CNTNAP5: variants seen among roughly 807,000 people sequenced by gnomAD.
CNTNAP5 encodes the protein contactin associated protein family member 5, also known as contactin-associated protein-like 5.
Under a neutral mutation model 150.2 loss-of-function variants are expected in CNTNAP5, and 72 were observed. That is an observed-to-expected ratio of 0.48 (90% CI 0.40 to 0.58). The LOEUF (loss-of-function observed/expected upper bound fraction) is 0.58. CNTNAP5 is among the 20% of genes least tolerant of loss of function. CNTNAP5 has a pLI of 0.00. For synonymous variants in CNTNAP5, 672 were observed against 619.8 expected (o/e 1.08, Z -1.25); for missense variants, 1,636 against 1,626.2 (o/e 1.01, Z -0.10).
chr2:124,403,186 C>T (rs1042910591), intron 3 of CNTNAP5, among the ~76,000 whole-genome samples: 2 of 152,202 alleles, frequency 1.3e-5, no homozygotes, highest in African/African-American at 2.4e-5. Context: ...TTGACACATT[C>T]CTTATATGTA....
rs147754984 is a variant in CNTNAP5 at position 124,533,663 on chromosome 2, G to A, written c.1649+6207G>A. ...CAAAGAGGTGTTGAAATCAGCCCAA[G>A]GGGTGCTGCAGGAGGCCACTGAGTT... On this transcript the variant is annotated intron_variant, in intron 10 of 23. Transcript: ENST00000682447. Among the ~76,000 whole-genome samples the A allele has an allele frequency of 1.5e-3, 229 of 152,286 alleles. 5 individuals carry two copies. The East Asian group carries it at 0.037, about 24-fold the overall frequency.
At chr2:124,729,336 A>C (rs2105125236) in intron 13 of CNTNAP5, among the ~76,000 whole-genome samples, 1 of 152,238 alleles carries the variant, frequency 6.6e-6, no homozygotes, top group South Asian at 2.1e-4. Context: ...GCAAAAAAGT[A>C]GTTATTGTTC....
At chr2:124,835,835 G>T (rs1682818011) in intron 19 of CNTNAP5, among the ~76,000 whole-genome samples, 1 of 152,086 alleles carries the variant, frequency 6.6e-6, no homozygotes, top group Non-Finnish European at 1.5e-5. Flanking sequence ...CACCTCACTT[G>T]CTCTCTTCTG....
intron 19 of CNTNAP5, among the ~76,000 whole-genome samples, chr2:124,817,034 G>C (rs888080981): frequency 6.6e-6 from 1 of 152,086 alleles, no homozygotes; most frequent in Non-Finnish European, 1.5e-5. Flanking sequence ...CACATAAGTA[G>C]TCCTTATTAT....
At chr2:124,637,855 T>C (rs1678004136) in intron 12 of CNTNAP5, among the ~76,000 whole-genome samples, 1 of 152,142 alleles carries the variant, frequency 6.6e-6, no homozygotes, top group Non-Finnish European at 1.5e-5. Flanking sequence ...TGTCTATTAA[T>C]ATTGGAGCAT....
chr2:124,556,793 G>A lies in CNTNAP5; in HGVS notation c.1650-6424G>A, dbSNP rs189280769. ...CCTAGATACTGGTAAGAAGGGTATT[G>A]CCATCAACTGTGATAGCGAAAAACA... On this transcript the variant is annotated intron_variant, in intron 10 of 23. Coordinates refer to ENST00000682447, the MANE Select transcript of CNTNAP5 (RefSeq NM_001367498.1). Among the ~76,000 whole-genome samples, 26 of 152,178 alleles carry A rather than the reference G, an allele frequency of 1.7e-4. No individual in the cohort carries two copies. The East Asian group carries it at 4.6e-3, about 27-fold the overall frequency.
intron 13 of CNTNAP5, among the ~76,000 whole-genome samples, chr2:124,715,934 G>A (rs36071009): frequency 0.16 from 24,702 of 151,946 alleles, 2,276 homozygotes; most frequent in East Asian, 0.24. Context: ...TCTTCTCAAG[G>A]TGACCCTCCC....
intron 4 of CNTNAP5, among the ~76,000 whole-genome samples, chr2:124,426,668 C>A (rs1162554813): frequency 6.6e-6 from 1 of 152,188 alleles, no homozygotes; most frequent in East Asian, 1.9e-4. Flanking sequence ...GCCCAGCTGG[C>A]CCACTTGGGG....
chr2:124,774,795 T>G (rs1681283597), intron 17 of CNTNAP5, among the ~76,000 whole-genome samples: 2 of 152,230 alleles, frequency 1.3e-5, no homozygotes, highest in Non-Finnish European at 2.9e-5. Flanking sequence ...TTTTTTACCC[T>G]TTCATGCAAA....
chr2:124,715,770 A>T (rs1323567952), intron 13 of CNTNAP5, among the ~76,000 whole-genome samples: 4 of 152,160 alleles, frequency 2.6e-5, no homozygotes, highest in African/African-American at 9.7e-5. Context: ...TCTCCCGAAA[A>T]TGCCGTTGCT....
At chr2:124,196,912 G>T (rs1685600730) in intron 1 of CNTNAP5, among the ~76,000 whole-genome samples, 2 of 152,164 alleles carry the variant, frequency 1.3e-5, no homozygotes, top group Admixed American at 6.5e-5. Flanking sequence ...TGCAAGGCAT[G>T]CAGTGAGCAC....
At chr2:124,911,147 A>G (rs1678645343) in intron 22 of CNTNAP5, among the ~76,000 whole-genome samples, 3 of 151,824 alleles carry the variant, frequency 2.0e-5, no homozygotes, top group African/African-American at 7.3e-5. Flanking sequence ...AGGAATAGGA[A>G]CTGTCCAGCT....
intron 13 of CNTNAP5, among the ~76,000 whole-genome samples, chr2:124,744,450 C>T (rs1335603848): frequency 6.6e-6 from 1 of 152,126 alleles, no homozygotes; most frequent in Non-Finnish European, 1.5e-5. Context: ...TACCTCTTAT[C>T]CCTTTCTAAA....
intron 3 of CNTNAP5, among the ~76,000 whole-genome samples, chr2:124,270,085 G>T (rs1204573209): frequency 6.6e-6 from 1 of 152,148 alleles, no homozygotes; most frequent in East Asian, 1.9e-4. Flanking sequence ...GGAGGCCGAG[G>T]CGGGTGGATC....
At chr2:124,870,827 G>C (rs1677732147) in intron 21 of CNTNAP5, among the ~76,000 whole-genome samples, 1 of 152,074 alleles carries the variant, frequency 6.6e-6, no homozygotes, top group South Asian at 2.1e-4. Flanking sequence ...AAAAATGGCT[G>C]TGGAAAAAGC....
At position 124,405,540 on chromosome 2, in the gene CNTNAP5, A is replaced by AT. The variant is rs1264018388; in HGVS notation, c.382-11895dup. Among the ~76,000 whole-genome samples the AT allele has an allele frequency of 6.6e-5, 10 of 152,146 alleles. No homozygotes were observed. The East Asian group carries it at 1.4e-3, about 21-fold the overall frequency. The stretch of plus-strand genomic sequence containing the variant: ...TATAATCTAGTCTCAACTTCTGATA[A>AT]TTTTTTTTACTTACGACCTCGGATC... On this transcript the variant is annotated intron_variant, in intron 3 of 23. Transcript: ENST00000682447.
chr2:124,590,092 C>A (rs1020297606), intron 11 of CNTNAP5, among the ~76,000 whole-genome samples: 1 of 152,090 alleles, frequency 6.6e-6, no homozygotes, highest in Non-Finnish European at 1.5e-5. Flanking sequence ...GCCATTCCAC[C>A]TTCTACCAAC....
chr2:124,364,726 C>T (rs578142803), intron 3 of CNTNAP5, among the ~76,000 whole-genome samples: 6 of 152,260 alleles, frequency 3.9e-5, no homozygotes, highest in African/African-American at 1.4e-4. Context: ...GAATTCCTTA[C>T]AATACATTGG....
intron 3 of CNTNAP5, among the ~76,000 whole-genome samples, chr2:124,351,462 A>T (rs1219867721): frequency 6.6e-6 from 1 of 152,184 alleles, no homozygotes; most frequent in African/African-American, 2.4e-5. Flanking sequence ...TAGAACTGTC[A>T]TGGGTTCATC....
Sources: allele counts gnomAD v4.1 joint callset (sites outside exome capture counted in the v4.1 genomes callset), GRCh38; gene constraint gnomAD v4.1.1; transcripts MANE v1.5; gene names NCBI Gene and HGNC (gene_info 2026-07-23, HGNC 2026-07-21).